The following DPYD variants were observed in gnomAD, a reference collection of about 807,000 sequenced individuals.
The protein encoded by DPYD is dihydropyrimidine dehydrogenase.
DPYD carries 109 observed loss-of-function variants against 116.2 expected under a neutral mutation model. The ratio of observed to expected loss-of-function variants is 0.94; its 90% CI spans 0.80 to 1.10. DPYD has a LOEUF of 1.10. Ranked by LOEUF, DPYD falls within the 50% of genes least tolerant of loss-of-function variation. The pLI is 0.00. For missense variants in DPYD, 1,302 were observed against 1,254.5 expected (o/e 1.04, Z -0.57); for synonymous variants, 440 against 432.0 (o/e 1.02, Z -0.23).
intron 8 of DPYD, among the ~76,000 whole-genome samples, chr1:97,605,064 T>C: frequency 6.6e-6 from 1 of 152,102 alleles, no homozygotes; most frequent in Admixed American, 6.6e-5. Flanking sequence ...TCTTTTCAAG[T>C]GTACAGACTA....
At chr1:97,681,261 T>C (rs966917817) in intron 7 of DPYD, among the ~76,000 whole-genome samples, 2 of 152,052 alleles carry the variant, frequency 1.3e-5, no homozygotes, top group Non-Finnish European at 2.9e-5. Flanking sequence ...CCTCTTGAGG[T>C]TAGAGGGCAG....
In DPYD at chr1:97,863,116, A is replaced by T. The variant is rs183204634; in HGVS notation, c.150+20148T>A. On this transcript the variant is annotated intron_variant, in intron 2 of 22. Coordinates refer to ENST00000370192, the MANE Select transcript of DPYD (RefSeq NM_000110.4). ...ATAATAGTGAAATATAATAATAATG[A>T]TATTAATCATTAGGATAAAATGTGA... Among the ~76,000 whole-genome samples, 40 of 152,078 alleles carry T rather than the reference A, an allele frequency of 2.6e-4. 1 individual carries two copies. The East Asian group carries it at 7.6e-3, about 29-fold the overall frequency.
intron 3 of DPYD, among the ~76,000 whole-genome samples, chr1:97,740,916 T>C (rs1664228964): frequency 1.3e-5 from 2 of 152,162 alleles, no homozygotes; most frequent in South Asian, 4.1e-4. Flanking sequence ...ATATCCTTTC[T>C]TCCACTCTTC....
intron 2 of DPYD, among the ~76,000 whole-genome samples, chr1:97,868,415 A>G (rs1312461583): frequency 1.3e-5 from 2 of 151,808 alleles, no homozygotes; most frequent in Non-Finnish European, 1.5e-5. Context: ...AAGATAAAAT[A>G]TTATTCGAAG....
At chr1:97,562,873 T>C (rs745395812) in intron 11 of DPYD, among the ~76,000 whole-genome samples, 1 of 151,758 alleles carries the variant, frequency 6.6e-6, no homozygotes, top group Non-Finnish European at 1.5e-5. Flanking sequence ...GTGTGCGCCA[T>C]TACACCTGGC....
At position 97,577,569 on chromosome 1, in the gene DPYD, C is replaced by T. The variant is rs12086001; in HGVS notation, c.1129-3599G>A. ...TCTCTCTCCATGCACTCCTAACCTCCGTGTGTGTGGCCTCTGTGCATTATG... is the reference window on the plus strand; with the variant it reads ...TCTCTCTCCATGCACTCCTAACCTCTGTGTGTGTGGCCTCTGTGCATTATG... On this transcript the variant is annotated intron_variant, in intron 10 of 22. Transcript: ENST00000370192. Among the ~76,000 whole-genome samples the T allele has an allele frequency of 4.6e-3, 698 of 152,140 alleles. 4 individuals are homozygous for T. Among genetic ancestry groups the T allele is most frequent in the African/African-American group, 0.016 (652 of 41,494 alleles).
chr1:97,917,867 A>G (rs528564558), intron 1 of DPYD, among the ~76,000 whole-genome samples: 1 of 152,330 alleles, frequency 6.6e-6, no homozygotes, highest in Admixed American at 6.5e-5. Context: ...TCTTGAACAA[A>G]AGAGTACTGT....
intron 8 of DPYD, among the ~76,000 whole-genome samples, chr1:97,641,260 A>T (rs1275987475): frequency 6.6e-6 from 1 of 152,186 alleles, no homozygotes; most frequent in Non-Finnish European, 1.5e-5. Flanking sequence ...ATTTGGCTGA[A>T]ATCTGGTGCA....
intron 20 of DPYD, among the ~76,000 whole-genome samples, chr1:97,106,405 G>A (rs986507436): frequency 1.5e-4 from 23 of 152,120 alleles, no homozygotes; most frequent in Admixed American, 5.2e-4. Context: ...AAGAAAATAC[G>A]CCCTGAGTAA....
intron 5 of DPYD, among the ~76,000 whole-genome samples, chr1:97,715,902 C>T (rs1662585594): frequency 1.3e-5 from 2 of 151,996 alleles, no homozygotes; most frequent in Admixed American, 1.3e-4. Context: ...TGTCTATGTT[C>T]TCCTAAAATA....
rs1675601015 is a variant in DPYD, at chr1:97,438,772, A to AT, written c.1905+11286dup. Among the ~76,000 whole-genome samples the AT allele has an allele frequency of 1.3e-5, 2 of 152,084 alleles. 1 individual carries two copies. The highest frequency in any genetic ancestry group is 2.9e-5 in the Non-Finnish European group (2 of 67,896). On this transcript the variant is annotated intron_variant, in intron 14 of 22. Coordinates refer to ENST00000370192, the MANE Select transcript of DPYD (RefSeq NM_000110.4). ...TCTGACTGTTCCTGTAAATTAAGTG[A>AT]TTTTTTTGGTTGGTTGTTTCTTTGG...
At chr1:97,649,993 T>C (rs1409533196) in intron 8 of DPYD, among the ~76,000 whole-genome samples, 1 of 152,084 alleles carries the variant, frequency 6.6e-6, no homozygotes, top group Non-Finnish European at 1.5e-5. Flanking sequence ...AGTAATTCTT[T>C]TTCCAAATGC....
At chr1:97,132,472 G>A (rs1428660498) in intron 20 of DPYD, among the ~76,000 whole-genome samples, 1 of 151,986 alleles carries the variant, frequency 6.6e-6, no homozygotes, top group Non-Finnish European at 1.5e-5. Flanking sequence ...ATATAAAATA[G>A]GAATTGTGCA....
At chr1:97,320,017 T>G (rs1229588442) in intron 16 of DPYD, among the ~76,000 whole-genome samples, 1 of 140,220 alleles carries the variant, frequency 7.1e-6, no homozygotes, top group Non-Finnish European at 1.6e-5. Flanking sequence ...AAAAGGCCTT[T>G]GACAAAATTC....
chr1:97,549,830 G>T, intron 11 of DPYD, 86 bp from the exon 12 acceptor site: 2 of 1,223,130 alleles, frequency 1.6e-6, no homozygotes, highest in East Asian at 2.5e-5. Flanking sequence ...AAAAATTATG[G>T]TTTAATTATT....
At chr1:97,189,159 G>C (rs1322833904) in intron 20 of DPYD, among the ~76,000 whole-genome samples, 1 of 152,092 alleles carries the variant, frequency 6.6e-6, no homozygotes, top group Non-Finnish European at 1.5e-5. Flanking sequence ...ATACAAAGAT[G>C]GGTAAGAAAA....
intron 8 of DPYD, among the ~76,000 whole-genome samples, chr1:97,630,505 C>T (rs779215811): frequency 1.3e-5 from 2 of 152,052 alleles, no homozygotes; most frequent in Non-Finnish European, 2.9e-5. Context: ...TCCTGCAGCT[C>T]GAAGCTAACA....
chr1:97,145,407 C>A (rs1377479200), intron 20 of DPYD, among the ~76,000 whole-genome samples: 1 of 152,116 alleles, frequency 6.6e-6, no homozygotes, highest in Non-Finnish European at 1.5e-5. Flanking sequence ...ACAGCAGCCT[C>A]TTTGTTGTAT....
intron 13 of DPYD, among the ~76,000 whole-genome samples, chr1:97,496,354 G>A (rs902329148): frequency 5.9e-5 from 9 of 151,942 alleles, no homozygotes; most frequent in African/African-American, 2.2e-4. Flanking sequence ...GAAATAATTT[G>A]TCAATGAACA....
Sources: gnomAD v4.1 joint callset for allele counts (sites outside exome capture counted in the v4.1 genomes callset) on GRCh38, gnomAD v4.1.1 for gene constraint, MANE v1.5 for transcripts, NCBI Gene and HGNC (gene_info 2026-07-23, HGNC 2026-07-21) for gene names.